SHMT1: variants seen among roughly 807,000 people sequenced by gnomAD.
SHMT1 encodes the protein serine hydroxymethyltransferase 1, also known as serine hydroxymethyltransferase, cytosolic.
A neutral mutation model predicts 49.0 loss-of-function variants in SHMT1; 45 were observed. The observed-to-expected ratio is 0.92, with a 90% CI of 0.72 to 1.18. The LOEUF (loss-of-function observed/expected upper bound fraction) is 1.18. Among genes scored for constraint, SHMT1 ranks in the 50% most tolerant of loss-of-function variants. SHMT1 has a pLI of 0.00. For synonymous variants in SHMT1, 232 were observed against 246.6 expected, an observed-to-expected ratio of 0.94 and a Z score of 0.55; for missense variants, 541 against 612.4, an observed-to-expected ratio of 0.88 and a Z score of 1.23.
chr17:18,340,843 C>A lies in SHMT1; in HGVS notation c.520-30G>T. On this transcript the variant is annotated intron_variant, in intron 5 of 11. Coordinates refer to ENST00000316694, the MANE Select transcript of SHMT1 (RefSeq NM_004169.5). This position sits in a 1 kb window ranked among gnomAD's most constrained non-coding sequence, Gnocchi z 4.5. ...GGAATGTCAGGGAGGCAGGTTCAGG[C>A]TGCTTCCTCCAACCACACCTGCCTC... 1.3e-6 allele frequency: 2 copies of A among 1,564,578 alleles called. No homozygotes were observed. The highest frequency in any genetic ancestry group is 1.8e-6 in the Non-Finnish European group (2 of 1,141,384).
At chr17:18,330,141 G>GTT (rs933973698) in intron 10 of SHMT1, among the ~76,000 whole-genome samples, 6 of 136,252 alleles carry the variant, frequency 4.4e-5, no homozygotes, top group Non-Finnish European at 3.2e-5. Context: ...ACCTGGCCCA[G>GTT]TTTTTTTTTT....
chr17:18,347,417 C>A, intron 5 of SHMT1, 79 bp downstream of exon 5: 2 of 1,538,004 alleles, frequency 1.3e-6, no homozygotes, highest in Admixed American at 3.3e-5. Context: ...ACACATAAAC[C>A]AAACTTACCC....
intron 5 of SHMT1, among the ~76,000 whole-genome samples, chr17:18,343,579 G>A (rs1456104747): frequency 7.5e-6 from 1 of 132,842 alleles, no homozygotes; most frequent in African/African-American, 3.0e-5. Context: ...CTGCACTCCA[G>A]CCTGGGCGAC....
Position 18,340,180 on chromosome 17 carries a change from A to G in SHMT1, c.677T>C (p.Met226Thr). 1 of 1,614,234 alleles carries G rather than the reference A, an allele frequency of 6.2e-7. No individual in the cohort carries two copies. Among genetic ancestry groups the G allele is most frequent in the South Asian group, 1.1e-5 (1 of 91,090 alleles). ...KIADENGAYLMADMAHISGLV... is the reference protein window; with the variant it reads ...KIADENGAYLTADMAHISGLV... ...CCCGCTGATGTGAGCCATGTCCGCC[A>G]TGAGATACGCCCCGTTCTCATCTGC... Residue 226 changes from methionine (M) to threonine (T), a missense_variant, in exon 7 of 12, where the codon ATG (methionine) becomes ACG (threonine). Transcript: ENST00000316694. This position sits in a 1 kb window ranked among gnomAD's most constrained non-coding sequence, Gnocchi z 4.5.
At chr17:18,346,766 A>G (rs1985121019) in intron 5 of SHMT1, among the ~76,000 whole-genome samples, 1 of 152,240 alleles carries the variant, frequency 6.6e-6, no homozygotes, top group African/African-American at 2.4e-5. Context: ...GGTACCCTCC[A>G]CTGGGCAAGA....
At chr17:18,351,771 TA>T (rs917304162) in intron 3 of SHMT1, among the ~76,000 whole-genome samples, 10 of 147,856 alleles carry the variant, frequency 6.8e-5, no homozygotes, top group African/African-American at 1.2e-4. Context: ...ATACTCCGTG[TA>T]AAAAAAAAAC....
At position 18,333,399 on chromosome 17, in the gene SHMT1, C is replaced by T. The variant is rs1014473990; in HGVS notation, c.932-111G>A. 6.9e-6 allele frequency: 7 copies of T among 1,019,700 alleles called. No homozygotes were observed. The African/African-American group carries it at 9.5e-5, about 14-fold the overall frequency. The allele number at this position is 1,019,700 out of a possible 1,614,324, so 63.2% of individuals were successfully genotyped here. ...AGCTTCCTTGCTTTTCAATGTCACC[C>T]CTTGCTTTTGCGTTGGATTATCTTT... On this transcript the variant is annotated intron_variant, in intron 8 of 11. Coordinates refer to ENST00000316694, the MANE Select transcript of SHMT1 (RefSeq NM_004169.5).
intron 8 of SHMT1, among the ~76,000 whole-genome samples, chr17:18,334,637 T>C (rs952226994): frequency 3.5e-4 from 53 of 152,166 alleles, no homozygotes; most frequent in African/African-American, 6.0e-4. Flanking sequence ...TTCAGACTTA[T>C]CTGGTATCTC....
intron 8 of SHMT1, among the ~76,000 whole-genome samples, chr17:18,333,796 T>A (rs1044525719): frequency 6.6e-6 from 1 of 152,058 alleles, no homozygotes; most frequent in Non-Finnish European, 1.5e-5. Flanking sequence ...TTATATTTTT[T>A]GAGACAGGGT....
At chr17:18,346,110 A>G (rs1985056285) in intron 5 of SHMT1, among the ~76,000 whole-genome samples, 1 of 152,210 alleles carries the variant, frequency 6.6e-6, no homozygotes, top group Admixed American at 6.5e-5. Flanking sequence ...TGCAAAAAAG[A>G]GCACACGTGC....
At chr17:18,348,896 T>A (rs1446973419) in intron 3 of SHMT1, among the ~76,000 whole-genome samples, 1 of 151,546 alleles carries the variant, frequency 6.6e-6, no homozygotes, top group Non-Finnish European at 1.5e-5. Context: ...GAAGATTCAC[T>A]TTGGCCCAGG....
chr17:18,335,604 C>G lies in SHMT1; in HGVS notation c.886G>C (p.Val296Leu). The G allele has an allele frequency of 1.2e-6, 2 of 1,614,088 alleles. No individual in the cohort carries two copies. Residue 296 changes from valine (V) to leucine (L), a missense_variant, in exon 8 of 12, where the codon GTG (valine) becomes CTG (leucine). Physicochemically the swap from Val to Leu is conservative, Grantham distance 32. Coordinates refer to ENST00000316694, the MANE Select transcript of SHMT1 (RefSeq NM_004169.5). Reference protein sequence around the residue: ...YNLESLINSAVFPGLQGGPHN... With the variant: ...YNLESLINSALFPGLQGGPHN... ...GGACCTCCCTGCAGGCCAGGGAACA[C>G]AGCAGAATTGATAAGAGACTCCAGG...
chr17:18,339,823 G>A (rs1274965875), intron 7 of SHMT1, among the ~76,000 whole-genome samples: 2 of 152,214 alleles, frequency 1.3e-5, no homozygotes, highest in Non-Finnish European at 1.5e-5. Context: ...GCCTCCCAAA[G>A]TGCTGGGATT....
chr17:18,346,461 A>G (rs1215469115), intron 5 of SHMT1, among the ~76,000 whole-genome samples: 4 of 152,208 alleles, frequency 2.6e-5, no homozygotes, highest in South Asian at 2.1e-4. Flanking sequence ...GGTCCCACGA[A>G]AAACAAGTAT....
At chr17:18,338,971 G>C (rs1386131599) in intron 7 of SHMT1, among the ~76,000 whole-genome samples, 2 of 140,554 alleles carry the variant, frequency 1.4e-5, no homozygotes, top group Non-Finnish European at 3.0e-5. Flanking sequence ...TTTATCTGCT[G>C]ACCTTCCCTC....
chr17:18,332,870 C>T, intron 9 of SHMT1: 1 of 438,810 alleles, frequency 2.3e-6, no homozygotes, highest in South Asian at 1.9e-5. Context: ...CCCAACCTCT[C>T]AGTTGAGCCT....
chr17:18,342,052 T>C (rs2151582004), intron 5 of SHMT1, among the ~76,000 whole-genome samples: 1 of 152,298 alleles, frequency 6.6e-6, no homozygotes, highest in South Asian at 2.1e-4. Context: ...TGTGAATCTA[T>C]ATCTTAAGAA....
At chr17:18,362,168 A>G (rs921204842) in intron 1 of SHMT1, among the ~76,000 whole-genome samples, 2 of 152,390 alleles carry the variant, frequency 1.3e-5, no homozygotes, top group Admixed American at 6.5e-5. Flanking sequence ...CTAAAGCCAT[A>G]TAAGAGCCAG....
chr17:18,355,984 C>G lies in SHMT1; in HGVS notation c.-3G>C, dbSNP rs1483851254. 3 of 1,607,214 alleles carry G rather than the reference C, an allele frequency of 1.9e-6. No homozygotes were observed. In the African/African-American group the frequency reaches 4.0e-5, roughly 22 times the overall value. On this transcript the variant is annotated 5_prime_UTR_variant, in exon 2 of 12. Coordinates refer to ENST00000316694, the MANE Select transcript of SHMT1 (RefSeq NM_004169.5). ...GCCCCGTTGACTGGCATCGTCATTG[C>G]ACTGGTTCGAAGCTGCCTAAAAAAA...
Sources: allele counts gnomAD v4.1 joint callset (sites outside exome capture counted in the v4.1 genomes callset), GRCh38; gene constraint gnomAD v4.1.1; non-coding constraint Gnocchi (gnomAD v3.1); transcripts MANE v1.5; gene names NCBI Gene and HGNC (gene_info 2026-07-23, HGNC 2026-07-21).